The following RIMS1 variants were observed in gnomAD, a reference collection of about 807,000 sequenced individuals.
The protein encoded by RIMS1 is regulating synaptic membrane exocytosis 1.
A neutral mutation model predicts 214.1 loss-of-function variants in RIMS1; 83 were observed. That is an observed-to-expected ratio of 0.39 (90% CI 0.32 to 0.47). The LOEUF (loss-of-function observed/expected upper bound fraction) is 0.47, where lower values mean the gene tolerates loss of function less well. Ranked by LOEUF, RIMS1 falls within the 20% of genes least tolerant of loss-of-function variation. The pLI is 0.99. For missense variants in RIMS1, 2,050 were observed against 2,161.8 expected (o/e 0.95, Z 1.03); for synonymous variants, 793 against 786.8 (o/e 1.01, Z -0.13).
chr6:72,231,238 G>A (rs568778928), intron 6 of RIMS1, among the ~76,000 whole-genome samples: 4 of 151,534 alleles, frequency 2.6e-5, no homozygotes, highest in African/African-American at 7.2e-5. Flanking sequence ...GTAATTAGAG[G>A]GATAGAAGAA....
intron 2 of RIMS1, among the ~76,000 whole-genome samples, chr6:72,000,586 C>T (rs1804860904): frequency 6.6e-6 from 1 of 152,086 alleles, no homozygotes; most frequent in African/African-American, 2.4e-5. Context: ...ACTTCTACTG[C>T]TGTTCTATCT....
chr6:72,345,389 A>G (rs549992216), intron 29 of RIMS1, among the ~76,000 whole-genome samples: 244 of 151,832 alleles, frequency 1.6e-3, no homozygotes, highest in African/African-American at 5.7e-3. Context: ...TTAGTGAGCA[A>G]TTATTACATG....
intron 16 of RIMS1, among the ~76,000 whole-genome samples, chr6:72,254,379 G>T (rs2074867270): frequency 6.6e-6 from 1 of 152,038 alleles, no homozygotes; most frequent in African/African-American, 2.4e-5. Flanking sequence ...CAACAGAAAG[G>T]TTCACACAAA....
At chr6:71,951,281 G>A (rs1039033970) in intron 1 of RIMS1, among the ~76,000 whole-genome samples, 5 of 152,006 alleles carry the variant, frequency 3.3e-5, no homozygotes, top group Admixed American at 6.6e-5. Flanking sequence ...AACTTGGTTA[G>A]CTCTTTATTG....
chr6:72,224,778 C>G (rs2059680965), intron 6 of RIMS1, among the ~76,000 whole-genome samples: 1 of 152,064 alleles, frequency 6.6e-6, no homozygotes, highest in South Asian at 2.1e-4. Context: ...CAGTTATTTA[C>G]TTCTGTCACA....
chr6:72,025,445 G>A (rs1816136077), intron 2 of RIMS1, among the ~76,000 whole-genome samples: 1 of 152,130 alleles, frequency 6.6e-6, no homozygotes, highest in African/African-American at 2.4e-5. Flanking sequence ...CTAAAATGAA[G>A]CTAGTAGTTT....
intron 31 of RIMS1, among the ~76,000 whole-genome samples, chr6:72,397,368 A>G (rs1000006535): frequency 1.3e-5 from 2 of 152,216 alleles, no homozygotes; most frequent in Non-Finnish European, 2.9e-5. Flanking sequence ...AATGCAAATT[A>G]AAATATCGTT....
At chr6:72,182,190 C>A in intron 5 of RIMS1, 94 bp from the exon 6 acceptor site, 1 of 1,337,500 alleles carries the variant, frequency 7.5e-7, no homozygotes, top group South Asian at 1.6e-5. Context: ...ATTATTGTAA[C>A]TGAAATGATT....
At chr6:72,313,693 A>G (rs761669776) in intron 28 of RIMS1, 21 bp downstream of exon 28, 20 of 1,590,284 alleles carry the variant, frequency 1.3e-5, no homozygotes, top group Middle Eastern at 1.7e-4. Context: ...AATACTGTTT[A>G]TATAAACTGG....
chr6:72,343,129 A>G (rs1285747334), intron 29 of RIMS1, among the ~76,000 whole-genome samples: 1 of 151,842 alleles, frequency 6.6e-6, no homozygotes, highest in Admixed American at 6.6e-5. Context: ...CCTCCCTTGC[A>G]GGTATCTGGT....
intron 4 of RIMS1, among the ~76,000 whole-genome samples, chr6:72,108,614 C>T (rs1234095388): frequency 2.0e-5 from 3 of 152,000 alleles, no homozygotes; most frequent in Non-Finnish European, 4.4e-5. Context: ...GTACATGTAT[C>T]TCATTTTTCC....
chr6:72,171,348 G>A (rs4707963), intron 4 of RIMS1, among the ~76,000 whole-genome samples: 1,521 of 45,492 alleles, frequency 0.033, 27 homozygotes, highest in African/African-American at 0.16. Flanking sequence ...TATATATTAC[G>A]TGTGTGTGTG....
rs2048400583 is a variant in RIMS1, at chr6:72,181,532, CTA to C, written c.813-749_813-748del. 2.6e-5 allele frequency among the ~76,000 whole-genome samples: 4 copies of C among 152,254 alleles called. No homozygotes were observed. The East Asian group carries it at 5.8e-4, about 22-fold the overall frequency. On this transcript the variant is annotated intron_variant, in intron 5 of 33. Coordinates refer to ENST00000521978, the MANE Select transcript of RIMS1 (RefSeq NM_014989.7). ...TCTGTTTTTGACATATAGTGAAAAA[CTA>C]TAAAAATTTCAAGAACAAGGGCTGA...
chr6:72,248,296 C>G (rs1421197961), intron 12 of RIMS1, among the ~76,000 whole-genome samples, 169 bp downstream of exon 12: 2 of 152,132 alleles, frequency 1.3e-5, no homozygotes, highest in Admixed American at 6.6e-5. Flanking sequence ...CCTTTATTCA[C>G]ATATTTATTC....
chr6:72,290,399 C>CA (rs142113779), intron 24 of RIMS1, among the ~76,000 whole-genome samples: 2,274 of 151,978 alleles, frequency 0.015, 19 homozygotes, highest in Non-Finnish European at 0.017. Flanking sequence ...CAAAACAAAA[C>CA]AAAACAAACA....
At chr6:72,200,389 T>G (rs1228951911) in intron 6 of RIMS1, among the ~76,000 whole-genome samples, 1 of 152,196 alleles carries the variant, frequency 6.6e-6, no homozygotes, top group East Asian at 1.9e-4. Context: ...TATCTACATC[T>G]GCCCTGGGCC....
chr6:71,924,648 A>AAAAAAAAAAAG (rs1781028673), intron 1 of RIMS1, among the ~76,000 whole-genome samples: 1 of 149,710 alleles, frequency 6.7e-6, no homozygotes, highest in African/African-American at 2.5e-5. Context: ...AAAAAAAAAA[A>AAAAAAAAAAAG]TGCAGAAAAT....
chr6:72,198,476 G>A (rs759196245), intron 6 of RIMS1, among the ~76,000 whole-genome samples: 3 of 151,944 alleles, frequency 2.0e-5, no homozygotes, highest in Non-Finnish European at 2.9e-5. Flanking sequence ...ACAGTAGAGT[G>A]ATAATTACCA....
At chr6:71,948,655 A>G (rs1788572776) in intron 1 of RIMS1, among the ~76,000 whole-genome samples, 1 of 152,222 alleles carries the variant, frequency 6.6e-6, no homozygotes, top group African/African-American at 2.4e-5. Context: ...ATGAGTGTGA[A>G]AAACATGATT....
Sources: gnomAD v4.1 joint callset for allele counts (sites outside exome capture counted in the v4.1 genomes callset) on GRCh38, gnomAD v4.1.1 for gene constraint, MANE v1.5 for transcripts, NCBI Gene and HGNC (gene_info 2026-07-23, HGNC 2026-07-21) for gene names.